Variants in GRIN2C observed in about 807,000 individuals in gnomAD.
The protein encoded by GRIN2C is glutamate ionotropic receptor NMDA type subunit 2C, also known as glutamate receptor ionotropic, NMDA 2C.
Under a neutral mutation model 77.7 loss-of-function variants are expected in GRIN2C, and 64 were observed. The observed-to-expected ratio is 0.82, with a 90% CI of 0.67 to 1.01. GRIN2C has a LOEUF of 1.01. Ranked by LOEUF, GRIN2C falls within the 50% of genes least tolerant of loss-of-function variation. The pLI is 0.00. For synonymous variants in GRIN2C, 792 were observed against 643.4 expected (o/e 1.23, Z -3.49); for missense variants, 1,549 against 1,486.0 (o/e 1.04, Z -0.70).
chr17:74,859,218 T>C lies in GRIN2C; in HGVS notation c.-16+526A>G, dbSNP rs1336456570. Among the ~76,000 whole-genome samples, 1 of 152,092 alleles carries C rather than the reference T, an allele frequency of 6.6e-6. No homozygotes were observed. The highest frequency in any genetic ancestry group is 2.4e-5 in the African/African-American group (1 of 41,406). Reference sequence around the variant, plus strand: ...CTTCCACAAACAGCCCTTAAACTAATGTTTGACAAACACAGAGATCCCCAA... The same window carrying C: ...CTTCCACAAACAGCCCTTAAACTAACGTTTGACAAACACAGAGATCCCCAA... On this transcript the variant is annotated intron_variant, in intron 1 of 12. Transcript: ENST00000293190. The surrounding 1 kb of genome is among the most constrained non-coding windows in gnomAD (Gnocchi z 5.9).
rs2037401674 is a variant in GRIN2C, at chr17:74,844,565, T to C, written c.2351-57A>G. ...GGAAACCCCCCTATAAGCAACCCCC[T>C]CACAAAGCTCACCACAAACCTGGAG... On this transcript the variant is annotated intron_variant, in intron 11 of 12. Coordinates refer to ENST00000293190, the MANE Select transcript of GRIN2C (RefSeq NM_000835.6). 3.2e-6 allele frequency: 5 copies of C among 1,576,614 alleles called. No homozygotes were observed. In the South Asian group the frequency reaches 5.9e-5, roughly 18 times the overall value.
rs2037597878 is a variant in GRIN2C, at chr17:74,850,341, G to A, written c.1356C>T (p.Leu452=). 1 of 1,613,470 alleles carries A rather than the reference G, an allele frequency of 6.2e-7. No homozygotes were observed. The highest frequency in any genetic ancestry group is 8.5e-7 in the Non-Finnish European group (1 of 1,179,954). ...SSGDVAPYTK[L]CCKGFCIDIL... is the part of the protein sequence containing the mutation. ...TGTCGATGCAGAATCCCTTACAGCAGAGCTTGGTGTAGGGGGCCACGTCCC... is the reference window on the plus strand; with the variant it reads ...TGTCGATGCAGAATCCCTTACAGCAAAGCTTGGTGTAGGGGGCCACGTCCC... The change falls in exon 6 of 13, where the codon CTC becomes CTT. Residue 452 remains leucine (L), a synonymous_variant. Transcript: ENST00000293190. The surrounding 1 kb of genome is among the most constrained non-coding windows in gnomAD (Gnocchi z 5.3).
In GRIN2C at chr17:74,849,906, T is replaced by C. The variant is rs142120840; in HGVS notation, c.1519A>G (p.Ile507Val). Residue 507 changes from isoleucine (I) to valine (V), a missense_variant, in exon 7 of 13, where the codon ATC (isoleucine) becomes GTC (valine). By Grantham distance (29) the Ile-to-Val change is conservative. Around this residue, in one of 3 missense-constraint regions of GRIN2C, gnomAD observed 717 missense variants for 858.1 expected, o/e 0.84. Transcript: ENST00000293190. This position sits in a 1 kb window ranked among gnomAD's most constrained non-coding sequence, Gnocchi z 4.6. ...TCCTCATTGATGGTGAGGGAGCCGA[T>C]GGCCATGTCTGCCCGCTTGTAGTAC... Reference protein sequence around the residue: ...EVYYKRADMAIGSLTINEERS... With the variant: ...EVYYKRADMAVGSLTINEERS... 3 of 1,613,414 alleles carry C rather than the reference T, an allele frequency of 1.9e-6. No homozygotes were observed. The African/African-American group carries it at 4.0e-5, about 22-fold the overall frequency.
chr17:74,845,945 C>T lies in GRIN2C; in HGVS notation c.2350+121G>A, dbSNP rs1296756118. On this transcript the variant is annotated intron_variant, in intron 11 of 12. Transcript: ENST00000293190. Reference sequence around the variant, plus strand: ...ACCTGCCCACCTCAGCTGCCCCAACCTCTCACCCCCCAGAGACCTCTCCCT... The same window carrying T: ...ACCTGCCCACCTCAGCTGCCCCAACTTCTCACCCCCCAGAGACCTCTCCCT... The T allele has an allele frequency of 6.6e-6, 6 of 911,588 alleles. No homozygotes were observed. The Admixed American group carries it at 9.6e-5, about 15-fold the overall frequency. The allele number at this position is 911,588 out of a possible 1,614,324, so 56.5% of individuals were successfully genotyped here.
chr17:74,851,904 A>C, intron 3 of GRIN2C, 109 bp downstream of exon 3: 1 of 831,616 alleles, frequency 1.2e-6, no homozygotes, highest in Non-Finnish European at 1.8e-6. Context: ...ATGTGGCCCC[A>C]GGCACGCAGC....
In GRIN2C at chr17:74,847,331, C is replaced by G; in HGVS notation, c.1978G>C (p.Val660Leu). ...ACCTTCTTGTCACTGAGGCCCGACA[C>G]AGTGTCGATGTATTGCTCTTGGATC... The part of the protein sequence containing the change: ...FMIQEQYIDT[V>L]SGLSDKKFQR... Residue 660 changes from valine (V) to leucine (L), a missense_variant, in exon 9 of 13, where the codon GTG becomes CTG. By Grantham distance (32) the Val-to-Leu change is conservative (BLOSUM62 1). Transcript: ENST00000293190. The surrounding 1 kb of genome is among the most constrained non-coding windows in gnomAD (Gnocchi z 5.2). The G allele has an allele frequency of 6.2e-7, 1 of 1,600,578 alleles. No homozygotes were observed. The highest frequency in any genetic ancestry group is 8.5e-7 in the Non-Finnish European group (1 of 1,171,670).
chr17:74,848,479 C>T (rs749198851), intron 7 of GRIN2C, among the ~76,000 whole-genome samples: 2 of 152,094 alleles, frequency 1.3e-5, no homozygotes, highest in Non-Finnish European at 2.9e-5. Flanking sequence ...TTTGGGAGGA[C>T]GAGACGGGCG....
chr17:74,860,158 T>C (rs1211798860), upstream of GRIN2C, among the ~76,000 whole-genome samples: 1 of 152,106 alleles, frequency 6.6e-6, no homozygotes, highest in African/African-American at 2.4e-5. Flanking sequence ...CCTGCCTACC[T>C]GCCCCTGGCA....
In GRIN2C at chr17:74,850,925, C is replaced by T. The variant is rs2037622844; in HGVS notation, c.1114-158G>A. The T allele has an allele frequency of 4.7e-6, 3 of 642,120 alleles. No individual in the cohort carries two copies. The highest frequency in any genetic ancestry group is 8.4e-6 in the Non-Finnish European group (3 of 357,684). The allele number at this position is 642,120 out of a possible 1,614,324, so 39.8% of individuals were successfully genotyped here. ...CAACAGCCTCCCCCAGCCTCGGGTC[C>T]CTGTGTTCATACAGCTCCACACTGA... On this transcript the variant is annotated intron_variant, in intron 4 of 12. Transcript: ENST00000293190. This position sits in a 1 kb window ranked among gnomAD's most constrained non-coding sequence, Gnocchi z 5.3.
In GRIN2C at chr17:74,847,931, G is replaced by A. The variant is rs776102975; in HGVS notation, c.1692C>T (p.Leu564=). 3 of 1,613,946 alleles carry A rather than the reference G, an allele frequency of 1.9e-6. No individual in the cohort carries two copies. The highest frequency in any genetic ancestry group is 2.2e-5 in the South Asian group (2 of 91,084). Residue 564 remains leucine, a synonymous_variant, in exon 8 of 13, where the codon CTC becomes CTT. Transcript: ENST00000293190. The surrounding 1 kb of genome is among the most constrained non-coding windows in gnomAD (Gnocchi z 5.2). The part of the protein sequence containing the change: ...AVWVMMFVMC[L]TVVAITVFMF... The stretch of plus-strand genomic sequence containing the variant: ...TGAAGACGGTGATGGCCACCACAGT[G>A]AGGCACATGACAAACATCATCACCC...
chr17:74,847,920 G>GCA lies in GRIN2C; in HGVS notation c.1702_1703insTG (p.Ala568ValfsTer85). ...GTACTCGAACATGAAGACGGTGATG[G>GCA]CCACCACAGTGAGGCACATGACAAA... On this transcript the variant is annotated frameshift_variant, in exon 8 of 13. Transcript: ENST00000293190. LOFTEE classifies it high-confidence loss of function. This position sits in a 1 kb window ranked among gnomAD's most constrained non-coding sequence, Gnocchi z 5.2. 6.2e-7 allele frequency: 1 copy of GCA among 1,613,900 alleles called. No individual in the cohort carries two copies. Among genetic ancestry groups the GCA allele is most frequent in the Non-Finnish European group, 8.5e-7 (1 of 1,179,818 alleles).
chr17:74,856,481 C>CTTTTTT (rs35686686), intron 1 of GRIN2C, among the ~76,000 whole-genome samples: 12 of 135,262 alleles, frequency 8.9e-5, no homozygotes, highest in East Asian at 4.3e-4. Flanking sequence ...CTCTCTCTCT[C>CTTTTTT]TTTTTTTTTT....
In GRIN2C at chr17:74,849,941, CCGGA is replaced by C. The variant is rs779475274; in HGVS notation, c.1492-12_1492-9del. On this transcript the variant is annotated splice_polypyrimidine_tract_variant and intron_variant, in intron 6 of 12. Transcript: ENST00000293190. The surrounding 1 kb of genome is among the most constrained non-coding windows in gnomAD (Gnocchi z 4.6). ...TGCCCGCTTGTAGTACACCTGGGGG[CCGGA>C]CGCCACGGAGGTTTGAAAAAGGGGC... is the stretch of plus-strand genomic sequence containing the variant. 1.4e-5 allele frequency: 22 copies of C among 1,609,904 alleles called. No homozygotes were observed. Among genetic ancestry groups the C allele is most frequent in the Non-Finnish European group, 1.8e-5 (21 of 1,178,736 alleles).
At chr17:74,844,804 GCATT>G (rs1300128830) in intron 11 of GRIN2C, among the ~76,000 whole-genome samples, 2 of 152,254 alleles carry the variant, frequency 1.3e-5, no homozygotes, top group Non-Finnish European at 2.9e-5. Context: ...GTAAATGTTA[GCATT>G]CATTCATTCA....
chr17:74,860,489 T>C (rs927402414), upstream of GRIN2C: 30 of 456,536 alleles, frequency 6.6e-5, no homozygotes, highest in African/African-American at 5.8e-4. Flanking sequence ...ACCTGGGGGT[T>C]CAGGTTGCCG....
chr17:74,856,572 G>A (rs1018052265), intron 1 of GRIN2C, among the ~76,000 whole-genome samples: 14 of 149,152 alleles, frequency 9.4e-5, no homozygotes, highest in Non-Finnish European at 1.8e-4. Flanking sequence ...TCCACCTCCC[G>A]GGTTCATGCC....
At position 74,852,615 on chromosome 17, in the gene GRIN2C, GGGGC is replaced by G. The variant is rs767290587; in HGVS notation, c.400-8_400-5del. On this transcript the variant is annotated splice_region_variant and splice_polypyrimidine_tract_variant and intron_variant, in intron 2 of 12. Coordinates refer to ENST00000293190, the MANE Select transcript of GRIN2C (RefSeq NM_000835.6). Reference sequence around the variant, plus strand: ...GCAGGAAGGCGGAGCCCGGCTCCTGGGGGCGGGCGGGGCCTGAGCGGGGCGGGAG... The same window carrying G: ...GCAGGAAGGCGGAGCCCGGCTCCTGGGGGCGGGGCCTGAGCGGGGCGGGAG... 8.4e-7 allele frequency: 1 copy of G among 1,194,776 alleles called. No individual in the cohort carries two copies. The highest frequency in any genetic ancestry group is 1.0e-6 in the Non-Finnish European group (1 of 963,024). The allele number at this position is 1,194,776 out of a possible 1,614,324, so 74.0% of individuals were successfully genotyped here.
Position 74,859,364 on chromosome 17 carries a change from C to A in GRIN2C, c.-16+380G>T, listed in dbSNP as rs1183566322. On this transcript the variant is annotated intron_variant, in intron 1 of 12. Coordinates refer to ENST00000293190, the MANE Select transcript of GRIN2C (RefSeq NM_000835.6). This position sits in a 1 kb window ranked among gnomAD's most constrained non-coding sequence, Gnocchi z 5.9. The stretch of plus-strand genomic sequence containing the variant: ...CCGGGTCCTCACAGCTCAGCCAGAC[C>A]CCCTGGCACGGACCTGCACACACAT... 1.3e-5 allele frequency among the ~76,000 whole-genome samples: 2 copies of A among 152,148 alleles called. No homozygotes were observed. The highest frequency in any genetic ancestry group is 2.4e-5 in the African/African-American group (1 of 41,426).
In GRIN2C at chr17:74,849,436, G is replaced by A. The variant is rs543523665; in HGVS notation, c.1645+344C>T. On this transcript the variant is annotated intron_variant, in intron 7 of 12. Coordinates refer to ENST00000293190, the MANE Select transcript of GRIN2C (RefSeq NM_000835.6). The surrounding 1 kb of genome is among the most constrained non-coding windows in gnomAD (Gnocchi z 4.6). Reference sequence around the variant, plus strand: ...ACACACCTCTTCGCACACTACACTCGCTCCTCAACTCCCCACGGGCCTCCC... The same window carrying A: ...ACACACCTCTTCGCACACTACACTCACTCCTCAACTCCCCACGGGCCTCCC... Among the ~76,000 whole-genome samples the A allele has an allele frequency of 1.3e-5, 2 of 152,126 alleles. No individual in the cohort carries two copies. Among genetic ancestry groups the A allele is most frequent in the South Asian group, 2.1e-4 (1 of 4,818 alleles).
Sources: allele counts gnomAD v4.1 joint callset (sites outside exome capture counted in the v4.1 genomes callset), GRCh38; gene constraint gnomAD v4.1.1; regional missense constraint gnomAD v4.1.1; non-coding constraint Gnocchi (gnomAD v3.1); transcripts MANE v1.5; gene names NCBI Gene and HGNC (gene_info 2026-07-23, HGNC 2026-07-21).